The following UBR3 variants were observed in gnomAD, a reference collection of about 807,000 sequenced individuals.
UBR3 encodes E3 ubiquitin-protein ligase UBR3.
UBR3 carries 85 observed loss-of-function variants against 243.2 expected under a neutral mutation model. That is an observed-to-expected ratio of 0.35 (90% CI 0.29 to 0.42). The LOEUF (loss-of-function observed/expected upper bound fraction) is 0.42, where lower values mean the gene tolerates loss of function less well. Ranked by LOEUF, UBR3 falls within the 10% of genes least tolerant of loss-of-function variation. The pLI, the probability that UBR3 is intolerant of heterozygous loss-of-function variation, is 1.00. For missense variants in UBR3, 1,686 were observed against 2,300.8 expected, an observed-to-expected ratio of 0.73 and a Z score of 5.47; for synonymous variants, 748 against 799.8, an observed-to-expected ratio of 0.94 and a Z score of 1.09.
chr2:169,970,326 A>AT (rs140941946), intron 24 of UBR3, among the ~76,000 whole-genome samples: 20,114 of 140,556 alleles, frequency 0.14, 1,886 homozygotes, highest in East Asian at 0.44. Context: ...AACACTACTG[A>AT]TTTTTTTTTA....
intron 20 of UBR3, 67 bp from the exon 21 acceptor site, chr2:169,946,221 G>A: frequency 2.3e-6 from 2 of 887,344 alleles, no homozygotes; most frequent in Non-Finnish European, 3.4e-6. Context: ...AAATATTTTT[G>A]GATCTCTAAA....
intron 1 of UBR3, among the ~76,000 whole-genome samples, chr2:169,844,897 A>G (rs889904880): frequency 4.0e-5 from 6 of 150,664 alleles, no homozygotes; most frequent in Admixed American, 2.6e-4. Context: ...GCTCTTTATT[A>G]TTTTCTTCCT....
At chr2:170,028,004 A>G (rs182642770) in intron 30 of UBR3, among the ~76,000 whole-genome samples, 2 of 152,046 alleles carry the variant, frequency 1.3e-5, no homozygotes, top group Admixed American at 6.6e-5. Flanking sequence ...ATGTAACATA[A>G]TGCCTGGCAC....
At chr2:169,879,276 CT>C (rs2083733462) in intron 5 of UBR3, among the ~76,000 whole-genome samples, 1 of 151,560 alleles carries the variant, frequency 6.6e-6, no homozygotes, top group Non-Finnish European at 1.5e-5. Flanking sequence ...TATCTTTTTT[CT>C]TTTGGAAATT....
At chr2:169,945,099 C>G (rs942451882) in intron 20 of UBR3, among the ~76,000 whole-genome samples, 2 of 151,890 alleles carry the variant, frequency 1.3e-5, no homozygotes, top group Non-Finnish European at 1.5e-5. Flanking sequence ...GCAATCCTTA[C>G]AACAATTCTG....
rs185016148 is a variant in UBR3 at position 169,833,407 on chromosome 2, G to A, written c.545+5355G>A. Among the ~76,000 whole-genome samples the A allele has an allele frequency of 3.0e-4, 45 of 152,268 alleles. No homozygotes were observed. The East Asian group carries it at 4.1e-3, about 14-fold the overall frequency. The stretch of plus-strand genomic sequence containing the variant: ...CTCACATATTCTAAGCTCCTTAAAA[G>A]ATAAGGACCACATTTTGCTATTAGC... On this transcript the variant is annotated intron_variant, in intron 1 of 38. Transcript: ENST00000272793.
chr2:169,955,717 C>T (rs2087250370), intron 23 of UBR3, among the ~76,000 whole-genome samples: 1 of 140,676 alleles, frequency 7.1e-6, no homozygotes, highest in African/African-American at 2.6e-5. Flanking sequence ...TTGCTTGAAC[C>T]TGGGAGGCAG....
intron 3 of UBR3, among the ~76,000 whole-genome samples, chr2:169,876,510 A>G (rs187430688): frequency 2.2e-5 from 3 of 134,446 alleles, no homozygotes; most frequent in African/African-American, 8.0e-5. Flanking sequence ...GTGTGACATG[A>G]TAATTATGCT....
intron 1 of UBR3, among the ~76,000 whole-genome samples, chr2:169,841,442 GC>G (rs988578972): frequency 1.3e-5 from 2 of 152,222 alleles, no homozygotes; most frequent in Non-Finnish European, 2.9e-5. Flanking sequence ...CATTTGAGGA[GC>G]CCTTTAGCCC....
chr2:169,998,042 C>T (rs2089561954), intron 26 of UBR3, among the ~76,000 whole-genome samples: 1 of 152,158 alleles, frequency 6.6e-6, no homozygotes, highest in East Asian at 1.9e-4. Context: ...ATCAATAATC[C>T]TGGTTTTAAT....
chr2:169,861,352 G>A lies in UBR3; in HGVS notation c.546-10884G>A, dbSNP rs1193739000. On this transcript the variant is annotated intron_variant, in intron 1 of 38. Coordinates refer to ENST00000272793, the MANE Select transcript of UBR3 (RefSeq NM_172070.4). ...CGGCTGGGTGTGGTGGCTCACGCCC[G>A]TAATCCCAGCACTCTGGGAGGCCGA... Among the ~76,000 whole-genome samples, 11 of 152,172 alleles carry A rather than the reference G, an allele frequency of 7.2e-5. 1 individual carries two copies. The highest frequency in any genetic ancestry group is 3.9e-4 in the Admixed American group (6 of 15,278).
At chr2:169,942,179 C>T (rs556072893) in intron 19 of UBR3, among the ~76,000 whole-genome samples, 1 of 152,176 alleles carries the variant, frequency 6.6e-6, no homozygotes, top group African/African-American at 2.4e-5. Context: ...TTTGCTTAAT[C>T]GTTACAGCTG....
chr2:169,943,058 C>T (rs959297749), intron 20 of UBR3, among the ~76,000 whole-genome samples: 1 of 151,990 alleles, frequency 6.6e-6, no homozygotes, highest in African/African-American at 2.4e-5. Context: ...AGGAAAGTGA[C>T]GTGGAAGGAT....
intron 23 of UBR3, among the ~76,000 whole-genome samples, chr2:169,951,925 C>G (rs2087050444): frequency 1.3e-5 from 2 of 151,984 alleles, no homozygotes; most frequent in Non-Finnish European, 2.9e-5. Context: ...TTCCTTTTAC[C>G]AAGATAATGG....
intron 5 of UBR3, among the ~76,000 whole-genome samples, chr2:169,884,895 ATAGAT>A (rs1157206830): frequency 6.6e-6 from 1 of 152,222 alleles, no homozygotes; most frequent in Non-Finnish European, 1.5e-5. Context: ...ATAGAATAGA[ATAGAT>A]TAAGGTGAAA....
intron 1 of UBR3, among the ~76,000 whole-genome samples, chr2:169,838,786 ACAT>A (rs2082198584): frequency 6.6e-6 from 1 of 152,166 alleles, no homozygotes; most frequent in South Asian, 2.1e-4. Flanking sequence ...TCTCATCTAA[ACAT>A]CATTTCAATC....
rs576403983 is a variant in UBR3 at position 169,838,897 on chromosome 2, A to T, written c.545+10845A>T. On this transcript the variant is annotated intron_variant, in intron 1 of 38. Coordinates refer to ENST00000272793, the MANE Select transcript of UBR3 (RefSeq NM_172070.4). ...AACAAGTTACCTGCTTTCAAAACAC[A>T]GTGTCTACACTGTTGGTGGGAATGT... Among the ~76,000 whole-genome samples, 4 of 152,336 alleles carry T rather than the reference A, an allele frequency of 2.6e-5. No individual in the cohort carries two copies. In the South Asian group the frequency reaches 8.3e-4, roughly 32 times the overall value.
At chr2:169,967,481 T>TG (rs1218164499) in intron 24 of UBR3, among the ~76,000 whole-genome samples, 1 of 152,166 alleles carries the variant, frequency 6.6e-6, no homozygotes, top group African/African-American at 2.4e-5. Context: ...ATCCTTGCTG[T>TG]GACTCTACCA....
intron 19 of UBR3, 144 bp from the exon 20 acceptor site, chr2:169,942,349 T>C (rs1223475685): frequency 1.3e-6 from 1 of 753,408 alleles, no homozygotes; most frequent in Non-Finnish European, 2.1e-6. Context: ...AGAGAATAGA[T>C]ACCTCTTTGG....
Sources: gnomAD v4.1 joint callset for allele counts (sites outside exome capture counted in the v4.1 genomes callset) on GRCh38, gnomAD v4.1.1 for gene constraint, MANE v1.5 for transcripts, NCBI Gene and HGNC (gene_info 2026-07-23, HGNC 2026-07-21) for gene names.